RBFOX1: variants seen among roughly 807,000 people sequenced by gnomAD.
RBFOX1 encodes the protein RNA binding protein fox-1 homolog 1.
Under a neutral mutation model 57.7 loss-of-function variants are expected in RBFOX1, and 8 were observed. That is an observed-to-expected ratio of 0.14 (90% CI 0.08 to 0.25). The LOEUF (loss-of-function observed/expected upper bound fraction) is 0.25, where lower values mean the gene tolerates loss of function less well. RBFOX1 is among the 10% of genes least tolerant of loss of function. The probability of loss-of-function intolerance (pLI) is 1.00; values close to 1 mark genes in which losing one functional copy is unlikely to be tolerated. For missense variants in RBFOX1, 611 were observed against 548.5 expected (o/e 1.11, Z -1.14); for synonymous variants, 326 against 222.4 (o/e 1.47, Z -4.15).
At position 5,999,900 on chromosome 16, in the gene RBFOX1, A is replaced by T. The variant is rs1428220044; in HGVS notation, c.351+132565A>T. 1.6e-4 allele frequency among the ~76,000 whole-genome samples: 7 copies of T among 45,080 alleles called. 1 individual carries two copies. The highest frequency in any genetic ancestry group is 4.2e-4 in the African/African-American group (5 of 11,788). 29.6% of individuals were successfully genotyped at this position (45,080 alleles called of 152,430 possible). ...AAAAAAAAAAAAAAAAAAAAAAAAAAAAAAAAAGAGTGAAGAAGGGAAATC... is the reference window on the plus strand; with the variant it reads ...AAAAAAAAAAAAAAAAAAAAAAAAATAAAAAAAGAGTGAAGAAGGGAAATC... On this transcript the variant is annotated intron_variant, in intron 4 of 19. Coordinates refer to the RBFOX1 transcript ENST00000641259.
At chr16:7,278,285 CAT>C (rs1377820513) in intron 4 of RBFOX1, among the ~76,000 whole-genome samples, 1 of 152,188 alleles carries the variant, frequency 6.6e-6, no homozygotes, top group African/African-American at 2.4e-5. Flanking sequence ...GCTAATTAGA[CAT>C]GTGTTCCGTA....
At chr16:6,848,505 A>G (rs999181584) in intron 3 of RBFOX1, among the ~76,000 whole-genome samples, 1 of 152,102 alleles carries the variant, frequency 6.6e-6, no homozygotes, top group Admixed American at 6.6e-5. Flanking sequence ...GCTATTTTCG[A>G]CATTATTGGT....
intron 3 of RBFOX1, among the ~76,000 whole-genome samples, chr16:7,016,968 G>A (rs1386771494): frequency 6.6e-6 from 1 of 152,032 alleles, no homozygotes; most frequent in African/African-American, 2.4e-5. Context: ...CAGTAGTAAA[G>A]GTTTCACCAT....
chr16:6,919,585 G>C (rs558793880), intron 3 of RBFOX1, among the ~76,000 whole-genome samples: 1 of 151,858 alleles, frequency 6.6e-6, no homozygotes, highest in African/African-American at 2.4e-5. Context: ...CTTGAAATTT[G>C]TTTTAAAGGA....
rs150664458 is a variant in RBFOX1, at chr16:5,941,344, G to C, written c.351+74009G>C. On this transcript the variant is annotated intron_variant, in intron 4 of 19. Coordinates refer to the RBFOX1 transcript ENST00000641259. ...ATCTCTACATTTTTTTTTTAAGTTA[G>C]CTGGGCATGGTAGAGCATGCCTGTC... Among the ~76,000 whole-genome samples, 12 of 151,816 alleles carry C rather than the reference G, an allele frequency of 7.9e-5. No homozygotes were observed. In the East Asian group the frequency reaches 2.3e-3, roughly 30 times the overall value.
At chr16:5,474,725 T>G (rs2069262269) in intron 2 of RBFOX1, among the ~76,000 whole-genome samples, 1 of 152,340 alleles carries the variant, frequency 6.6e-6, no homozygotes, top group East Asian at 1.9e-4. Context: ...ATTTATTTTA[T>G]AAGCATGGGG....
chr16:7,144,761 C>G (rs577621062), intron 4 of RBFOX1, among the ~76,000 whole-genome samples: 1 of 152,040 alleles, frequency 6.6e-6, no homozygotes, highest in Admixed American at 6.6e-5. Context: ...TGTTTTCCTG[C>G]ATCACTATGA....
intron 1 of RBFOX1, among the ~76,000 whole-genome samples, chr16:6,214,207 C>G (rs1053322036): frequency 1.3e-5 from 2 of 152,194 alleles, no homozygotes; most frequent in African/African-American, 2.4e-5. Flanking sequence ...TCTCATGTTT[C>G]CCTTCTTGTA....
chr16:5,384,191 T>C (rs2066200621), intron 1 of RBFOX1, among the ~76,000 whole-genome samples: 1 of 152,218 alleles, frequency 6.6e-6, no homozygotes, highest in South Asian at 2.1e-4. Context: ...TTGCTCTGAC[T>C]GGCCACACAT....
chr16:7,704,548 C>T (rs1271762308), intron 14 of RBFOX1, among the ~76,000 whole-genome samples: 1 of 152,184 alleles, frequency 6.6e-6, no homozygotes, highest in Non-Finnish European at 1.5e-5. Context: ...TCTCTCTTTA[C>T]TCCTTTGTCT....
rs183943600 is a variant in RBFOX1, at chr16:5,693,644, C to G, written c.318+94683C>G. On this transcript the variant is annotated intron_variant, in intron 3 of 19. Transcript: ENST00000641259. ...TCAGTGTGGGTGTTTGTGAAAGACGCAGCGAGAATCTTGGTTCCAGAACTT... is the reference window on the plus strand; with the variant it reads ...TCAGTGTGGGTGTTTGTGAAAGACGGAGCGAGAATCTTGGTTCCAGAACTT... Among the ~76,000 whole-genome samples, 8 of 152,262 alleles carry G rather than the reference C, an allele frequency of 5.3e-5. No homozygotes were observed. In the East Asian group the frequency reaches 1.2e-3, roughly 22 times the overall value.
At chr16:6,076,174 C>T (rs750620592) in intron 1 of RBFOX1, among the ~76,000 whole-genome samples, 1 of 151,964 alleles carries the variant, frequency 6.6e-6, no homozygotes, top group East Asian at 1.9e-4. Context: ...GGTGCATGCT[C>T]TATCATCCCA....
chr16:6,816,211 T>G (rs1348750711), intron 3 of RBFOX1, among the ~76,000 whole-genome samples: 3 of 152,076 alleles, frequency 2.0e-5, no homozygotes, highest in Non-Finnish European at 2.9e-5. Context: ...CTTTGGAGAC[T>G]GAGGTGAGGA....
intron 1 of RBFOX1, among the ~76,000 whole-genome samples, chr16:5,285,368 T>TG (rs2063367309): frequency 6.6e-6 from 1 of 152,128 alleles, no homozygotes; most frequent in Non-Finnish European, 1.5e-5. Context: ...TTTCCTGATT[T>TG]TTTTGTATTC....
chr16:5,304,412 C>T (rs1164229307), intron 1 of RBFOX1, among the ~76,000 whole-genome samples: 1 of 152,140 alleles, frequency 6.6e-6, no homozygotes, highest in Non-Finnish European at 1.5e-5. Context: ...TCTTTTTCCT[C>T]CTACTTTTTG....
At chr16:5,595,942 T>C (rs2151195048) in intron 2 of RBFOX1, among the ~76,000 whole-genome samples, 1 of 152,292 alleles carries the variant, frequency 6.6e-6, no homozygotes, top group South Asian at 2.1e-4. Flanking sequence ...AAAAAGTCTC[T>C]TGAGAAGAGC....
intron 3 of RBFOX1, among the ~76,000 whole-genome samples, chr16:6,998,946 G>A (rs2092512763): frequency 6.6e-6 from 1 of 151,014 alleles, no homozygotes; most frequent in African/African-American, 2.4e-5. Context: ...TAGGCTCACT[G>A]TAACCTCCGC....
At chr16:6,808,016 G>C (rs2087336795) in intron 3 of RBFOX1, among the ~76,000 whole-genome samples, 1 of 149,240 alleles carries the variant, frequency 6.7e-6, no homozygotes, top group African/African-American at 2.5e-5. Context: ...TATATAATAT[G>C]CAAATTATAC....
chr16:7,355,634 C>A (rs888522736), intron 4 of RBFOX1, among the ~76,000 whole-genome samples: 1 of 152,122 alleles, frequency 6.6e-6, no homozygotes, highest in African/African-American at 2.4e-5. Flanking sequence ...CTGTACAGGT[C>A]CACTCTATCA....
Sources: allele counts gnomAD v4.1 joint callset (sites outside exome capture counted in the v4.1 genomes callset), GRCh38; gene constraint gnomAD v4.1.1; transcripts MANE v1.5; gene names NCBI Gene and HGNC (gene_info 2026-07-23, HGNC 2026-07-21).